The following CEP85L variants were observed in gnomAD, a reference collection of about 807,000 sequenced individuals.
The protein encoded by CEP85L is centrosomal protein of 85 kDa-like.
In CEP85L, 60 loss-of-function variants were observed where a neutral mutation model predicts 100.3. The observed-to-expected ratio is 0.60, with a 90% CI of 0.49 to 0.74. The LOEUF (loss-of-function observed/expected upper bound fraction) is 0.74. CEP85L is among the 30% of genes least tolerant of loss of function. The pLI, the probability that CEP85L is intolerant of heterozygous loss-of-function variation, is 0.00. For synonymous variants in CEP85L, 319 were observed against 322.7 expected, an observed-to-expected ratio of 0.99 and a Z score of 0.12; for missense variants, 973 against 936.2, an observed-to-expected ratio of 1.04 and a Z score of -0.51.
intron 4 of CEP85L, among the ~76,000 whole-genome samples, chr6:118,516,406 C>T (rs928631134): frequency 2.0e-5 from 3 of 152,208 alleles, no homozygotes; most frequent in African/African-American, 2.4e-5. Context: ...ACATCCTCTC[C>T]AGCATCTGTT....
At position 118,481,821 on chromosome 6, in the gene CEP85L, C is replaced by A. The variant is rs753445348; in HGVS notation, c.1703G>T (p.Cys568Phe). Reference protein sequence around the residue: ...QCQDKETQLICQKKKEKELVT... With the variant: ...QCQDKETQLIFQKKKEKELVT... ...TAACTCCTTTTCTTTCTTTTTCTGG[C>A]ATATTAACTGTGTCTCTTTATCTTG... is the stretch of plus-strand genomic sequence containing the variant. The change falls in exon 8 of 13, where the codon TGC becomes TTC. Residue 568 changes from cysteine to phenylalanine, a missense_variant. Cys to Phe is a radical substitution (Grantham distance 205). This residue lies in a region of CEP85L where 890 missense variants were observed against 844.5 expected (regional missense o/e 1.05). Coordinates refer to ENST00000368491, the MANE Select transcript of CEP85L (RefSeq NM_001042475.3). The A allele has an allele frequency of 8.8e-6, 14 of 1,596,220 alleles. No individual in the cohort carries two copies. The highest frequency in any genetic ancestry group is 1.0e-5 in the Non-Finnish European group (12 of 1,171,866).
chr6:118,580,335 G>T (rs1269020670), intron 2 of CEP85L, among the ~76,000 whole-genome samples: 2 of 152,160 alleles, frequency 1.3e-5, no homozygotes, highest in Non-Finnish European at 2.9e-5. Context: ...TATCATTTTG[G>T]TGCACTGGCC....
intron 5 of CEP85L, among the ~76,000 whole-genome samples, chr6:118,497,515 G>T (rs1400572761): frequency 6.6e-6 from 1 of 152,102 alleles, no homozygotes; most frequent in Non-Finnish European, 1.5e-5. Flanking sequence ...TAATAGAAAT[G>T]AGGTATACTA....
rs569843641 is a variant in CEP85L at position 118,639,246 on chromosome 6, C to T, written c.74-6635G>A. On this transcript the variant is annotated intron_variant, in intron 1 of 12. Coordinates refer to ENST00000368491, the MANE Select transcript of CEP85L (RefSeq NM_001042475.3). Reference sequence around the variant, plus strand: ...TAACAAGTACTTTTGCACAAAGAACCTATTCTGCTGCTGGAATAACTCCAC... The same window carrying T: ...TAACAAGTACTTTTGCACAAAGAACTTATTCTGCTGCTGGAATAACTCCAC... Among the ~76,000 whole-genome samples the T allele has an allele frequency of 4.6e-5, 7 of 152,276 alleles. No individual in the cohort carries two copies. The East Asian group carries it at 5.8e-4, about 13-fold the overall frequency.
At chr6:118,707,854 C>T (rs1463328099) in intron 1 of CEP85L, among the ~76,000 whole-genome samples, 1 of 150,788 alleles carries the variant, frequency 6.6e-6, no homozygotes, top group East Asian at 1.9e-4. Flanking sequence ...CACTTATAGC[C>T]AGGAAAATAA....
chr6:118,703,168 G>A (rs1453677671), intron 1 of CEP85L, among the ~76,000 whole-genome samples: 2 of 151,868 alleles, frequency 1.3e-5, no homozygotes, highest in Non-Finnish European at 2.9e-5. Context: ...TGGTGGGGGG[G>A]ATTACTATTT....
At chr6:118,706,851 CA>C (rs1366802081) in intron 1 of CEP85L, among the ~76,000 whole-genome samples, 1 of 152,148 alleles carries the variant, frequency 6.6e-6, no homozygotes, top group East Asian at 1.9e-4. Flanking sequence ...TCCCACACCC[CA>C]AAAAGACTCT....
intron 1 of CEP85L, among the ~76,000 whole-genome samples, chr6:118,671,667 G>A (rs1450891524): frequency 6.6e-6 from 1 of 152,194 alleles, no homozygotes; most frequent in Non-Finnish European, 1.5e-5. Context: ...GCTGGGCATG[G>A]TGGTTCATGT....
At chr6:118,621,470 G>A (rs1259092842) in intron 2 of CEP85L, among the ~76,000 whole-genome samples, 1 of 152,158 alleles carries the variant, frequency 6.6e-6, no homozygotes, top group East Asian at 1.9e-4. Context: ...CTGCCCCAGG[G>A]GTTTAGGGAT....
At chr6:118,487,602 A>G (rs1774275170) in intron 6 of CEP85L, among the ~76,000 whole-genome samples, 1 of 152,212 alleles carries the variant, frequency 6.6e-6, no homozygotes, top group African/African-American at 2.4e-5. Flanking sequence ...CCAATACAGC[A>G]TATGATCAGA....
intron 4 of CEP85L, among the ~76,000 whole-genome samples, chr6:118,522,100 C>T (rs1250351839): frequency 6.6e-6 from 1 of 152,074 alleles, no homozygotes; most frequent in Non-Finnish European, 1.5e-5. Flanking sequence ...GTGGCTCACA[C>T]CTGTAATCCC....
intron 1 of CEP85L, among the ~76,000 whole-genome samples, chr6:118,671,292 ATTATTTTCTTTTTTCTACAC>A (rs1415581164): frequency 5.3e-5 from 8 of 152,018 alleles, no homozygotes; most frequent in African/African-American, 1.9e-4. Context: ...CCCTCCTTGT[ATTATTTTCTTTTTTCTACAC>A]TTATTTTCTC....
intron 2 of CEP85L, among the ~76,000 whole-genome samples, chr6:118,585,854 G>C (rs138619242): frequency 1.5e-3 from 236 of 152,304 alleles, no homozygotes; most frequent in African/African-American, 5.3e-3. Context: ...GGGAGGAGTG[G>C]CAGGTAAACT....
chr6:118,665,343 TTTATTTTATTTTATTTTA>T (rs971354338), intron 1 of CEP85L, among the ~76,000 whole-genome samples: 2 of 139,046 alleles, frequency 1.4e-5, no homozygotes, highest in African/African-American at 2.7e-5. Flanking sequence ...TTCAATTTTA[TTTATTTTATTTTATTTTA>T]TTATTTTATT....
chr6:118,605,618 A>AG (rs749761419), intron 2 of CEP85L, among the ~76,000 whole-genome samples: 107 of 152,274 alleles, frequency 7.0e-4, no homozygotes, highest in Non-Finnish European at 1.1e-3. Context: ...TGAGGAAAAG[A>AG]GGGTTTTTTC....
At chr6:118,677,470 C>T (rs17349133) in intron 1 of CEP85L, among the ~76,000 whole-genome samples, 33,589 of 152,004 alleles carry the variant, frequency 0.22, 4,824 homozygotes, top group Non-Finnish European at 0.32. Flanking sequence ...ACAATTTTAG[C>T]GCAGAACAGT....
intron 9 of CEP85L, among the ~76,000 whole-genome samples, 167 bp from the exon 10 acceptor site, chr6:118,480,088 C>T (rs1354130057): frequency 3.3e-5 from 5 of 151,968 alleles, no homozygotes; most frequent in Non-Finnish European, 5.9e-5. Context: ...TATAAAACTA[C>T]AAAAGTCTTC....
chr6:118,501,875 A>G, intron 5 of CEP85L: 1 of 1,277,192 alleles, frequency 7.8e-7, no homozygotes, highest in Non-Finnish European at 1.1e-6. Context: ...GAGTCCCAGC[A>G]AAGAAAATAA....
intron 11 of CEP85L, among the ~76,000 whole-genome samples, chr6:118,470,040 G>C (rs73766506): frequency 0.017 from 2,596 of 152,128 alleles, 70 homozygotes; most frequent in African/African-American, 0.059. Flanking sequence ...GCATATTGGT[G>C]GGGGGAAGCA....
Sources: allele counts gnomAD v4.1 joint callset (sites outside exome capture counted in the v4.1 genomes callset), GRCh38; gene constraint gnomAD v4.1.1; regional missense constraint gnomAD v4.1.1; transcripts MANE v1.5; gene names NCBI Gene and HGNC (gene_info 2026-07-23, HGNC 2026-07-21).